SHC3: variants seen among roughly 807,000 people sequenced by gnomAD.
SHC3 encodes the protein SHC-transforming protein 3.
A neutral mutation model predicts 60.4 loss-of-function variants in SHC3; 15 were observed. The ratio of observed to expected loss-of-function variants is 0.25; its 90% CI spans 0.17 to 0.38. The LOEUF is 0.38. SHC3 is among the 10% of genes least tolerant of loss of function. SHC3 has a pLI of 1.00. For missense variants in SHC3, 677 were observed against 786.1 expected (o/e 0.86, Z 1.66); for synonymous variants, 294 against 325.9 (o/e 0.90, Z 1.05).
intron 1 of SHC3, among the ~76,000 whole-genome samples, chr9:89,144,463 T>C (rs1826439465): frequency 6.6e-6 from 1 of 152,200 alleles, no homozygotes; most frequent in South Asian, 2.1e-4. Flanking sequence ...CTAATGCTAA[T>C]GATCTGGTCA....
At chr9:89,159,148 T>C (rs1037890014) in intron 1 of SHC3, among the ~76,000 whole-genome samples, 1 of 151,202 alleles carries the variant, frequency 6.6e-6, no homozygotes, top group African/African-American at 2.5e-5. Context: ...ATCTTTTCTT[T>C]AAAAAAGAGT....
intron 11 of SHC3, 130 bp from the exon 12 acceptor site, chr9:89,013,705 C>G: frequency 7.5e-7 from 1 of 1,337,934 alleles, no homozygotes; most frequent in South Asian, 1.5e-5. Context: ...GGGGCTTCCA[C>G]CACTTTAGAG....
intron 10 of SHC3, among the ~76,000 whole-genome samples, chr9:89,039,732 G>C (rs2117879137): frequency 6.6e-6 from 1 of 151,288 alleles, no homozygotes; most frequent in South Asian, 2.1e-4. Context: ...ACCAGCAACA[G>C]CAGCAGCAGC....
chr9:89,055,956 A>G (rs1450575889), intron 6 of SHC3, among the ~76,000 whole-genome samples: 1 of 152,274 alleles, frequency 6.6e-6, no homozygotes. Flanking sequence ...GTCTTCAAAA[A>G]GGATGCAATA....
intron 1 of SHC3, among the ~76,000 whole-genome samples, chr9:89,120,616 G>A (rs1826078883): frequency 6.6e-6 from 1 of 152,144 alleles, no homozygotes; most frequent in East Asian, 1.9e-4. Flanking sequence ...AAAACTATAT[G>A]GAAGTATCTA....
intron 1 of SHC3, among the ~76,000 whole-genome samples, chr9:89,140,941 G>GT (rs1309798561): frequency 2.0e-5 from 3 of 152,148 alleles, no homozygotes; most frequent in African/African-American, 7.2e-5. Context: ...AATATATATA[G>GT]TTTAGATATC....
intron 5 of SHC3, among the ~76,000 whole-genome samples, chr9:89,070,581 C>T (rs1825254813): frequency 6.6e-6 from 1 of 152,174 alleles, no homozygotes; most frequent in Non-Finnish European, 1.5e-5. Context: ...TTGTAGCATT[C>T]CCGCCCAAAT....
intron 2 of SHC3, among the ~76,000 whole-genome samples, chr9:89,101,615 A>ATT (rs1187818837): frequency 1.1e-4 from 17 of 150,244 alleles, no homozygotes; most frequent in African/African-American, 4.2e-4. Context: ...ATATATATAT[A>ATT]TATATTTTTT....
chr9:89,084,623 A>G (rs954756652), intron 2 of SHC3, among the ~76,000 whole-genome samples: 3 of 152,216 alleles, frequency 2.0e-5, no homozygotes, highest in Non-Finnish European at 4.4e-5. Context: ...TCTTATAAAC[A>G]CTTTCATTGA....
chr9:89,146,128 C>T (rs959569129), intron 1 of SHC3, among the ~76,000 whole-genome samples: 17 of 151,852 alleles, frequency 1.1e-4, no homozygotes, highest in Non-Finnish European at 2.2e-4. Flanking sequence ...GAGGCTGAGG[C>T]GAGCGGATCA....
intron 1 of SHC3, among the ~76,000 whole-genome samples, chr9:89,160,382 G>A (rs1355154088): frequency 2.0e-5 from 3 of 152,092 alleles, no homozygotes; most frequent in Admixed American, 2.0e-4. Context: ...GCCCACCACT[G>A]ATCTCTTACC....
intron 2 of SHC3, among the ~76,000 whole-genome samples, chr9:89,101,346 G>GA (rs916171998): frequency 1.9e-4 from 29 of 151,652 alleles, no homozygotes; most frequent in African/African-American, 6.0e-4. Context: ...CATGTTATAT[G>GA]AAAAAAAAGA....
chr9:89,104,854 A>T (rs1318825781), intron 2 of SHC3, among the ~76,000 whole-genome samples: 1 of 152,070 alleles, frequency 6.6e-6, no homozygotes, highest in Admixed American at 6.5e-5. Flanking sequence ...TTCATATTCA[A>T]TTTTTAAAGA....
intron 3 of SHC3, among the ~76,000 whole-genome samples, chr9:89,075,444 T>C (rs1270301079): frequency 6.6e-6 from 1 of 152,208 alleles, no homozygotes; most frequent in East Asian, 1.9e-4. Flanking sequence ...CCATATAATA[T>C]GCAAATGCTG....
intron 1 of SHC3, among the ~76,000 whole-genome samples, chr9:89,157,322 T>C (rs1826636958): frequency 6.6e-6 from 1 of 152,018 alleles, no homozygotes; most frequent in Admixed American, 6.5e-5. Context: ...AAAGACAAAG[T>C]GATAATGGAA....
rs1013228346 is a variant in SHC3, at chr9:89,008,040, A to G, written c.*5407T>C. ...GTACAGAGATGCAGATCCGTTTTTAATCAATGTAAGTATATGCGTATATGT... is the reference window on the plus strand; with the variant it reads ...GTACAGAGATGCAGATCCGTTTTTAGTCAATGTAAGTATATGCGTATATGT... On this transcript the variant is annotated 3_prime_UTR_variant, in exon 12 of 12. Transcript: ENST00000375835. 2 of 152,232 alleles carry G rather than the reference A, an allele frequency of 1.3e-5. No homozygotes were observed. The highest frequency in any genetic ancestry group is 1.3e-4 in the Admixed American group (2 of 15,284). The allele number at this position is 152,232 out of a possible 1,614,324, so 9.4% of individuals were successfully genotyped here.
At chr9:89,065,685 A>G (rs9410455) in intron 5 of SHC3, 105 bp from the exon 6 acceptor site, 724,815 of 1,069,330 alleles carry the variant, frequency 0.68, 252,486 homozygotes, top group East Asian at 0.97. Flanking sequence ...CTCAACCACC[A>G]AACAGCTAAA....
At chr9:89,092,615 CAAAAA>C (rs59133401) in intron 2 of SHC3, among the ~76,000 whole-genome samples, 3 of 67,860 alleles carry the variant, frequency 4.4e-5, no homozygotes, top group South Asian at 6.0e-4. Context: ...GACTCTGTCT[CAAAAA>C]AAAAAAAAAA....
intron 6 of SHC3, among the ~76,000 whole-genome samples, chr9:89,059,872 G>T (rs568383435): frequency 1.7e-4 from 25 of 150,808 alleles, no homozygotes; most frequent in African/African-American, 6.1e-4. Context: ...GGAGGATGGT[G>T]GTGGAGGACG....
Sources: gnomAD v4.1 joint callset for allele counts (sites outside exome capture counted in the v4.1 genomes callset) on GRCh38, gnomAD v4.1.1 for gene constraint, MANE v1.5 for transcripts, NCBI Gene and HGNC (gene_info 2026-07-23, HGNC 2026-07-21) for gene names.